GALNT14: variants seen among roughly 807,000 people sequenced by gnomAD.
The protein encoded by GALNT14 is polypeptide N-acetylgalactosaminyltransferase 14.
In GALNT14, 60 loss-of-function variants were observed where a neutral mutation model predicts 77.5. The ratio of observed to expected loss-of-function variants is 0.77; its 90% CI spans 0.63 to 0.96. The LOEUF (loss-of-function observed/expected upper bound fraction) is 0.96. Ranked by LOEUF, GALNT14 falls within the 40% of genes least tolerant of loss-of-function variation. The pLI is 0.00. For synonymous variants in GALNT14, 280 were observed against 281.7 expected (o/e 0.99, Z 0.06); for missense variants, 710 against 731.0 (o/e 0.97, Z 0.33).
chr2:30,945,236 AG>A lies in GALNT14; in HGVS notation c.743-295del, dbSNP rs1666618815. ...CCTAGGGGTAGGGGCCGAGGATGAC[AG>A]GATGGACAGTCATGGAATGTGGGCC... On this transcript the variant is annotated intron_variant, in intron 7 of 14. Coordinates refer to ENST00000349752, the MANE Select transcript of GALNT14 (RefSeq NM_024572.4). 2.0e-5 allele frequency among the ~76,000 whole-genome samples: 3 copies of A among 152,356 alleles called. No individual in the cohort carries two copies. In the South Asian group the frequency reaches 6.2e-4, roughly 32 times the overall value.
intron 1 of GALNT14, among the ~76,000 whole-genome samples, chr2:31,121,308 A>C (rs759781918): frequency 5.9e-5 from 9 of 152,336 alleles, no homozygotes; most frequent in South Asian, 2.1e-4. Context: ...AAAAGCCAGA[A>C]TCAAGCCTGG....
the GALNT14 span, among the ~76,000 whole-genome samples, chr2:30,900,483 T>G: frequency 6.6e-6 from 1 of 152,186 alleles, no homozygotes; most frequent in Admixed American, 6.5e-5. Flanking sequence ...AGGAGGTAAT[T>G]AGAAAGTGGT....
chr2:30,921,591 G>A (rs1416412010), intron 13 of GALNT14, among the ~76,000 whole-genome samples: 1 of 152,184 alleles, frequency 6.6e-6, no homozygotes, highest in Non-Finnish European at 1.5e-5. Context: ...AAGGCCAAGA[G>A]TCTGGCTTTT....
chr2:31,106,371 T>C lies in GALNT14; in HGVS notation c.129+31587A>G, dbSNP rs560042208. On this transcript the variant is annotated intron_variant, in intron 1 of 14. Coordinates refer to ENST00000349752, the MANE Select transcript of GALNT14 (RefSeq NM_024572.4). ...CTGGCTCTCCACTGCCTGTCTTCTATGTCAATCATTTTCTCTCTAATCTTT... is the reference window on the plus strand; with the variant it reads ...CTGGCTCTCCACTGCCTGTCTTCTACGTCAATCATTTTCTCTCTAATCTTT... 2.9e-4 allele frequency among the ~76,000 whole-genome samples: 44 copies of C among 152,354 alleles called. 1 individual carries two copies. The highest frequency in any genetic ancestry group is 2.7e-3 in the Admixed American group (41 of 15,296).
At chr2:31,125,531 T>C (rs1413628893) in intron 1 of GALNT14, among the ~76,000 whole-genome samples, 4 of 152,176 alleles carry the variant, frequency 2.6e-5, no homozygotes, top group Admixed American at 2.6e-4. Context: ...TCAATGTTTA[T>C]TGACCCACAA....
chr2:30,985,754 G>C (rs1669261386), intron 2 of GALNT14, among the ~76,000 whole-genome samples: 1 of 152,160 alleles, frequency 6.6e-6, no homozygotes, highest in Non-Finnish European at 1.5e-5. Context: ...GCACATGGGG[G>C]ACCAGAATGT....
At chr2:30,960,368 G>GCTTTTGAAATTCAAGAGTT (rs1429726190) in intron 3 of GALNT14, among the ~76,000 whole-genome samples, 1 of 152,190 alleles carries the variant, frequency 6.6e-6, no homozygotes, top group Admixed American at 6.5e-5. Flanking sequence ...ATCCCTGCCA[G>GCTTTTGAAATTCAAGAGTT]CTCTTTGAAA....
At chr2:30,961,766 C>T (rs867232081) in intron 3 of GALNT14, among the ~76,000 whole-genome samples, 11 of 151,958 alleles carry the variant, frequency 7.2e-5, no homozygotes, top group Non-Finnish European at 1.5e-4. Context: ...ACTACAACCT[C>T]CGCCTCCCAG....
intron 1 of GALNT14, among the ~76,000 whole-genome samples, chr2:31,067,998 T>C (rs889592350): frequency 2.0e-5 from 3 of 152,130 alleles, no homozygotes; most frequent in African/African-American, 4.8e-5. Context: ...TCTTTCTCTG[T>C]ACCTGAAACA....
At chr2:31,122,857 T>C (rs900879273) in intron 1 of GALNT14, among the ~76,000 whole-genome samples, 12 of 152,138 alleles carry the variant, frequency 7.9e-5, no homozygotes, top group Non-Finnish European at 1.0e-4. Context: ...AAAGCAACCA[T>C]AGACAATTCG....
chr2:31,123,346 A>C (rs1023675236), intron 1 of GALNT14, among the ~76,000 whole-genome samples: 2 of 152,148 alleles, frequency 1.3e-5, no homozygotes, highest in African/African-American at 4.8e-5. Context: ...AAAACAGTGG[A>C]GAAAGTAGGG....
At chr2:30,897,481 G>C in the GALNT14 span, among the ~76,000 whole-genome samples, 11 of 152,312 alleles carry the variant, frequency 7.2e-5, no homozygotes, top group Admixed American at 7.2e-4. Flanking sequence ...AGCTGAACTC[G>C]TGGGTCAGAC....
intron 1 of GALNT14, among the ~76,000 whole-genome samples, chr2:31,077,548 A>G (rs1675878549): frequency 6.6e-6 from 1 of 152,206 alleles, no homozygotes; most frequent in African/African-American, 2.4e-5. Flanking sequence ...GTCTCATCTG[A>G]TAAGTCTATG....
rs1342569704 is a variant in GALNT14, at chr2:30,966,257, G to T, written c.345C>A (p.Ile115=). ...VYCTDLPPTS[I]IITFHNEARS... is the part of the protein sequence containing the mutation. ...GGGCCTCGTTGTGGAAGGTGATGATGATGCTAGTGGGTGGAAGGTCCGTGC... is the reference window on the plus strand; with the variant it reads ...GGGCCTCGTTGTGGAAGGTGATGATTATGCTAGTGGGTGGAAGGTCCGTGC... The change falls in exon 3 of 15, where the codon ATC becomes ATA. Residue 115 remains isoleucine (I), a synonymous_variant. Transcript: ENST00000349752. 6.2e-7 allele frequency: 1 copy of T among 1,614,054 alleles called. No individual in the cohort carries two copies. Among genetic ancestry groups the T allele is most frequent in the Admixed American group, 1.7e-5 (1 of 60,016 alleles).
At position 30,912,199 on chromosome 2, in the gene GALNT14, C is replaced by T. The variant is rs772531645; in HGVS notation, c.1500+24G>A. On this transcript the variant is annotated intron_variant, in intron 14 of 14. Transcript: ENST00000349752. ...AGTCACATTACGGAGTTGGCCACATCCCAGGGACCTGCTGAGCACTTACCT... is the reference window on the plus strand; with the variant it reads ...AGTCACATTACGGAGTTGGCCACATTCCAGGGACCTGCTGAGCACTTACCT... The T allele has an allele frequency of 1.1e-5, 17 of 1,613,184 alleles. No individual in the cohort carries two copies. In the East Asian group the frequency reaches 3.3e-4, roughly 32 times the overall value.
intron 1 of GALNT14, among the ~76,000 whole-genome samples, chr2:31,048,595 C>CCGT (rs1558524600): frequency 3.6e-5 from 5 of 137,412 alleles, no homozygotes; most frequent in African/African-American, 5.5e-5. Flanking sequence ...TCCCCACCCC[C>CCGT]ACTCCTGCCT....
intron 1 of GALNT14, among the ~76,000 whole-genome samples, chr2:31,036,018 T>G (rs1289574948): frequency 6.6e-6 from 1 of 152,186 alleles, no homozygotes; most frequent in East Asian, 1.9e-4. Context: ...GAAGTTAAAT[T>G]AAAAAACATA....
At chr2:31,074,204 C>T (rs1438367964) in intron 1 of GALNT14, among the ~76,000 whole-genome samples, 1 of 152,146 alleles carries the variant, frequency 6.6e-6, no homozygotes, top group Non-Finnish European at 1.5e-5. Flanking sequence ...CAGCACCAAG[C>T]AAAGCACACG....
chr2:30,972,651 A>T (rs1185335300), intron 2 of GALNT14, among the ~76,000 whole-genome samples: 1 of 152,218 alleles, frequency 6.6e-6, no homozygotes, highest in Non-Finnish European at 1.5e-5. Context: ...CACATGTTGT[A>T]ATACCTCTGA....
Sources: gnomAD v4.1 joint callset for allele counts (sites outside exome capture counted in the v4.1 genomes callset) on GRCh38, gnomAD v4.1.1 for gene constraint, MANE v1.5 for transcripts, NCBI Gene and HGNC (gene_info 2026-07-23, HGNC 2026-07-21) for gene names.